FAM193A: variants seen among roughly 807,000 people sequenced by gnomAD.
FAM193A encodes the protein protein FAM193A.
In FAM193A, 22 loss-of-function variants were observed where a neutral mutation model predicts 126.5. The observed-to-expected ratio is 0.17, with a 90% CI of 0.12 to 0.25. The LOEUF (loss-of-function observed/expected upper bound fraction) is 0.25. Ranked by LOEUF, FAM193A falls within the 10% of genes least tolerant of loss-of-function variation. FAM193A has a pLI of 1.00. For missense variants in FAM193A, 1,675 were observed against 1,672.8 expected (o/e 1.00, Z -0.02); for synonymous variants, 761 against 646.8 (o/e 1.18, Z -2.68).
At chr4:2,659,773 C>G (rs756373943) in intron 9 of FAM193A, 39 bp from the exon 10 acceptor site, 7 of 1,613,826 alleles carry the variant, frequency 4.3e-6, no homozygotes. Flanking sequence ...TAGTCTTGTG[C>G]ATTGGTTGGC....
chr4:2,682,966 G>A (rs1001847694), intron 13 of FAM193A, among the ~76,000 whole-genome samples: 1 of 152,086 alleles, frequency 6.6e-6, no homozygotes, highest in Non-Finnish European at 1.5e-5. Context: ...GTAGATCCAC[G>A]TTTCTGACCT....
intron 1 of FAM193A, among the ~76,000 whole-genome samples, chr4:2,570,522 C>A (rs559607047): frequency 6.6e-4 from 101 of 152,114 alleles, no homozygotes; most frequent in Non-Finnish European, 1.2e-3. Flanking sequence ...TGAACTGTTA[C>A]CCTCCTTGCA....
intron 2 of FAM193A, among the ~76,000 whole-genome samples, chr4:2,598,407 G>GT (rs368426135): frequency 2.2e-4 from 34 of 152,296 alleles, no homozygotes; most frequent in African/African-American, 7.9e-4. Context: ...TTTGAAAAAA[G>GT]CTGCTATGAA....
Position 2,663,215 on chromosome 4 carries a change from T to G in FAM193A, c.2006T>G (p.Val669Gly), listed in dbSNP as rs995363623. ...EPPGAPKEDG[V>G]LGSRSPRTEE... is the part of the protein sequence containing the mutation. ...CCAGGGGCCCCGAAGGAAGATGGAGTGCTGGGAAGCAGGAGCCCCAGGACA... is the reference window on the plus strand; with the variant it reads ...CCAGGGGCCCCGAAGGAAGATGGAGGGCTGGGAAGCAGGAGCCCCAGGACA... The change falls in exon 12 of 21, where the codon GTG becomes GGG. Residue 669 changes from valine (V) to glycine (G), a missense_variant. By Grantham distance (109) the Val-to-Gly change is moderately radical. Transcript: ENST00000637812. 6.2e-7 allele frequency: 1 copy of G among 1,613,642 alleles called. No individual in the cohort carries two copies. Among genetic ancestry groups the G allele is most frequent in the Non-Finnish European group, 8.5e-7 (1 of 1,179,954 alleles).
At chr4:2,582,062 C>G (rs1348475455) in intron 1 of FAM193A, among the ~76,000 whole-genome samples, 3 of 152,158 alleles carry the variant, frequency 2.0e-5, no homozygotes, top group African/African-American at 4.8e-5. Context: ...GTTTTTATGG[C>G]TTCTCACAAG....
chr4:2,561,897 T>A (rs1278023190), intron 1 of FAM193A, among the ~76,000 whole-genome samples: 1 of 152,196 alleles, frequency 6.6e-6, no homozygotes, highest in Admixed American at 6.6e-5. Context: ...CCCATAGCTG[T>A]GGCTTGTGAA....
At chr4:2,578,521 T>A (rs1739736684) in intron 1 of FAM193A, among the ~76,000 whole-genome samples, 2 of 152,092 alleles carry the variant, frequency 1.3e-5, no homozygotes, top group Non-Finnish European at 2.9e-5. Flanking sequence ...TAATTCTTGC[T>A]TAAGGGTAAA....
chr4:2,542,265 A>T (rs997514982), intron 1 of FAM193A, among the ~76,000 whole-genome samples: 22 of 152,042 alleles, frequency 1.4e-4, no homozygotes, highest in African/African-American at 5.3e-4. Flanking sequence ...TTGGCCTCCC[A>T]AAGTGCTGGG....
intron 2 of FAM193A, among the ~76,000 whole-genome samples, chr4:2,623,637 G>A (rs1428771386): frequency 6.6e-6 from 1 of 152,218 alleles, no homozygotes; most frequent in Non-Finnish European, 1.5e-5. Flanking sequence ...GACTGGGGTA[G>A]TGCAAGCATC....
At chr4:2,605,726 C>T (rs1384492656) in intron 2 of FAM193A, among the ~76,000 whole-genome samples, 1 of 152,196 alleles carries the variant, frequency 6.6e-6, no homozygotes, top group Non-Finnish European at 1.5e-5. Context: ...AATCCCAGCA[C>T]TTTGGGAGGC....
At chr4:2,721,954 A>G (rs1016694401) in intron 20 of FAM193A, among the ~76,000 whole-genome samples, 9 of 152,218 alleles carry the variant, frequency 5.9e-5, no homozygotes, top group African/African-American at 2.2e-4. Flanking sequence ...GAGTGAAATA[A>G]GAAGCTGTAA....
chr4:2,536,419 G>A (rs942060803), upstream of FAM193A, among the ~76,000 whole-genome samples: 5 of 151,856 alleles, frequency 3.3e-5, no homozygotes, highest in Non-Finnish European at 5.9e-5. Context: ...AAGGCCTGAC[G>A]GGAATCGTGG....
intron 4 of FAM193A, among the ~76,000 whole-genome samples, chr4:2,629,729 A>C (rs1007642283): frequency 2.0e-5 from 3 of 152,214 alleles, no homozygotes; most frequent in Admixed American, 6.5e-5. Flanking sequence ...GTTATGGACG[A>C]ATTTTTATTA....
At chr4:2,684,499 C>A (rs953534835) in intron 13 of FAM193A, among the ~76,000 whole-genome samples, 2 of 151,668 alleles carry the variant, frequency 1.3e-5, no homozygotes, top group African/African-American at 4.9e-5. Flanking sequence ...CATCCAGATT[C>A]GTTTTCTGCT....
intron 1 of FAM193A, among the ~76,000 whole-genome samples, chr4:2,570,846 A>G (rs1026807054): frequency 6.6e-5 from 10 of 152,186 alleles, no homozygotes; most frequent in African/African-American, 2.4e-4. Flanking sequence ...TCACTCACAG[A>G]TGGGCCTTAC....
At chr4:2,539,650 T>A (rs1398483917) in intron 1 of FAM193A, among the ~76,000 whole-genome samples, 1 of 151,814 alleles carries the variant, frequency 6.6e-6, no homozygotes, top group African/African-American at 2.4e-5. Flanking sequence ...CAAGTGATCC[T>A]CCCATCTCTG....
At position 2,704,578 on chromosome 4, in the gene FAM193A, A is replaced by G. The variant is rs141613565; in HGVS notation, c.4372+4034A>G. ...AGACCCTATCTGAAAAAAAAATAAA[A>G]TAAAAATTTTTAAAAAGGTAAGTGC... On this transcript the variant is annotated intron_variant, in intron 19 of 20. Coordinates refer to ENST00000637812, the MANE Select transcript of FAM193A (RefSeq NM_001366318.2). 7.9e-5 allele frequency among the ~76,000 whole-genome samples: 12 copies of G among 152,238 alleles called. No homozygotes were observed. The East Asian group carries it at 2.1e-3, about 27-fold the overall frequency.
chr4:2,588,853 T>TA (rs1740373536), intron 1 of FAM193A, among the ~76,000 whole-genome samples: 1 of 152,208 alleles, frequency 6.6e-6, no homozygotes, highest in Non-Finnish European at 1.5e-5. Context: ...AGGCCTTTGA[T>TA]ACCAACTTTT....
Position 2,625,375 on chromosome 4 carries a change from C to T in FAM193A, c.615C>T (p.Cys205=), listed in dbSNP as rs1237854121. The T allele has an allele frequency of 2.8e-5, 20 of 702,576 alleles. No individual in the cohort carries two copies. Among genetic ancestry groups the T allele is most frequent in the South Asian group, 1.6e-4 (11 of 67,584 alleles). 43.5% of individuals were successfully genotyped at this position (702,576 alleles called of 1,614,324 possible). A position where few individuals can be genotyped will look rare whatever the true frequency, so the allele number is the denominator to read the frequency against. ...TGCCTTCAGACACCGCATGCTCGTG[C>T]GAGGCCTGCAGTGAGCGCAGGTATG... ...QTLPSDTACS[C]EACSERREIS... Residue 205 remains cysteine (C), a synonymous_variant, in exon 3 of 21, where the codon TGC becomes TGT. Transcript: ENST00000637812.
Sources: gnomAD v4.1 joint callset for allele counts (sites outside exome capture counted in the v4.1 genomes callset) on GRCh38, gnomAD v4.1.1 for gene constraint, MANE v1.5 for transcripts, NCBI Gene and HGNC (gene_info 2026-07-23, HGNC 2026-07-21) for gene names.